The following EXTL3 variants were observed in gnomAD, a reference collection of about 807,000 sequenced individuals.
EXTL3 encodes the protein exostosin-like 3.
EXTL3 carries 27 observed loss-of-function variants against 69.3 expected under a neutral mutation model. That is an observed-to-expected ratio of 0.39 (90% CI 0.29 to 0.54). EXTL3 has a LOEUF of 0.54. EXTL3 is among the 20% of genes least tolerant of loss of function. EXTL3 has a pLI of 0.69. For missense variants in EXTL3, 1,003 were observed against 1,231.8 expected (o/e 0.81, Z 2.78); for synonymous variants, 511 against 499.4 (o/e 1.02, Z -0.31).
rs1563427442 is a variant in EXTL3 at position 28,623,646 on chromosome 8, C to T, written c.-53+836C>T. Among the ~76,000 whole-genome samples, 1 of 152,184 alleles carries T rather than the reference C, an allele frequency of 6.6e-6. No individual in the cohort carries two copies. The highest frequency in any genetic ancestry group is 1.5e-5 in the Non-Finnish European group (1 of 68,032). ...TGGCAAAGCACGTGTGTCTTTTGAT[C>T]CTTATCCCCCATGTAACATAATTCA... On this transcript the variant is annotated intron_variant, in intron 1 of 6. Coordinates refer to the EXTL3 transcript ENST00000523149. The surrounding 1 kb of genome is among the most constrained non-coding windows in gnomAD (Gnocchi z 4.2).
chr8:28,664,678 T>A (rs529062996), intron 1 of EXTL3, among the ~76,000 whole-genome samples: 179 of 152,280 alleles, frequency 1.2e-3, no homozygotes, highest in African/African-American at 3.7e-3. Flanking sequence ...AAGATATTGT[T>A]CCATTGTCTT....
intron 1 of EXTL3, among the ~76,000 whole-genome samples, chr8:28,702,231 C>CAGGAGCCACAGTCAG (rs1346712965): frequency 6.6e-6 from 1 of 152,182 alleles, no homozygotes; most frequent in African/African-American, 2.4e-5. Flanking sequence ...CGCCTCCTTT[C>CAGGAGCCACAGTCAG]AGGAGCCACA....
At chr8:28,621,563 C>T (rs987675850), upstream of EXTL3, among the ~76,000 whole-genome samples, 2 of 152,200 alleles carry the variant, frequency 1.3e-5, no homozygotes, top group East Asian at 1.9e-4. Flanking sequence ...CCATTTGTGC[C>T]CCACCAGGGT....
intron 1 of EXTL3, among the ~76,000 whole-genome samples, chr8:28,647,698 T>G (rs967920407): frequency 1.3e-5 from 2 of 152,128 alleles, no homozygotes; most frequent in African/African-American, 4.8e-5. Context: ...TTGCCAACAC[T>G]TTTTTCTAGG....
At chr8:28,711,482 T>C (rs1376280267) in intron 1 of EXTL3, among the ~76,000 whole-genome samples, 2 of 152,162 alleles carry the variant, frequency 1.3e-5, no homozygotes, top group Non-Finnish European at 2.9e-5. Context: ...ATCTATAATA[T>C]CTTACTTAAT....
At position 28,701,567 on chromosome 8, in the gene EXTL3, A is replaced by G. The variant is rs1284697681; in HGVS notation, c.-662A>G. The G allele has an allele frequency of 1.3e-5, 2 of 155,832 alleles. No homozygotes were observed. The highest frequency in any genetic ancestry group is 1.7e-4 in the South Asian group (1 of 5,732). 9.7% of individuals were successfully genotyped at this position (155,832 alleles called of 1,614,324 possible). ...AGCGGCGGATCAGGCGCGGCCTGGA[A>G]GGCGGGCGGCCGGCAGCCAGAACGG... On this transcript the variant is annotated 5_prime_UTR_variant, in exon 1 of 7. Transcript: ENST00000220562.
intron 1 of EXTL3, among the ~76,000 whole-genome samples, chr8:28,682,690 C>T (rs1241397149): frequency 6.6e-6 from 1 of 152,204 alleles, no homozygotes; most frequent in Non-Finnish European, 1.5e-5. Context: ...GTGATGCCCC[C>T]ACCTTGGCCT....
intron 1 of EXTL3, among the ~76,000 whole-genome samples, chr8:28,702,166 C>G (rs1383297927): frequency 3.9e-5 from 6 of 152,334 alleles, no homozygotes; most frequent in Admixed American, 1.3e-4. Flanking sequence ...CATCTGCCCC[C>G]CGCTTCTACA....
At chr8:28,742,965 C>T in intron 5 of EXTL3, 121 bp from the exon 6 acceptor site, 2 of 1,029,228 alleles carry the variant, frequency 1.9e-6, no homozygotes, top group Admixed American at 1.7e-5. Flanking sequence ...CCCTAAGTGC[C>T]AGTAATACCT....
At chr8:28,714,204 C>T (rs1801093708) in intron 2 of EXTL3, among the ~76,000 whole-genome samples, 1 of 152,048 alleles carries the variant, frequency 6.6e-6, no homozygotes, top group Admixed American at 6.5e-5. Flanking sequence ...CCATGCCCAG[C>T]CTAATATCCC....
At chr8:28,619,118 A>C (rs555011696), upstream of EXTL3, among the ~76,000 whole-genome samples, 1 of 130,948 alleles carries the variant, frequency 7.6e-6, no homozygotes, top group East Asian at 2.4e-4. Context: ...AAAAAAAAAC[A>C]GCAGACCCAC....
chr8:28,649,252 TC>T (rs1418218610), intron 1 of EXTL3, among the ~76,000 whole-genome samples: 1 of 152,192 alleles, frequency 6.6e-6, no homozygotes, highest in Admixed American at 6.5e-5. Context: ...CAATTGTTCC[TC>T]TAGGGTATTT....
chr8:28,626,981 G>A (rs914646286), intron 1 of EXTL3, among the ~76,000 whole-genome samples: 1 of 151,790 alleles, frequency 6.6e-6, no homozygotes, highest in African/African-American at 2.4e-5. Flanking sequence ...AGGAGATCGA[G>A]ACCATCCTGG....
intron 1 of EXTL3, among the ~76,000 whole-genome samples, chr8:28,689,663 T>C (rs958868820): frequency 6.6e-6 from 1 of 152,230 alleles, no homozygotes; most frequent in Non-Finnish European, 1.5e-5. Flanking sequence ...TCTTCTATTT[T>C]CTTAGTGAAA....
chr8:28,622,336 G>C (rs1472825796), upstream of EXTL3, among the ~76,000 whole-genome samples: 1 of 152,244 alleles, frequency 6.6e-6, no homozygotes. Flanking sequence ...GCCCGGTGCC[G>C]TATAGCCCTC....
intron 3 of EXTL3, among the ~76,000 whole-genome samples, chr8:28,729,391 T>C (rs1801484919): frequency 6.7e-6 from 1 of 150,288 alleles, no homozygotes; most frequent in Non-Finnish European, 1.5e-5. Context: ...GGTCAGGATT[T>C]CAAGACCAGC....
intron 4 of EXTL3, among the ~76,000 whole-genome samples, chr8:28,732,937 G>A (rs1801569710): frequency 6.6e-6 from 1 of 152,162 alleles, no homozygotes; most frequent in African/African-American, 2.4e-5. Context: ...TCACCATGTT[G>A]CCCAGGCTGA....
Position 28,637,203 on chromosome 8 carries a change from G to A in EXTL3, c.-53+14393G>A, listed in dbSNP as rs1251967962. On this transcript the variant is annotated intron_variant, in intron 1 of 6. Coordinates refer to the EXTL3 transcript ENST00000523149. Reference sequence around the variant, plus strand: ...TCTAGATTCCATTCTTTCTGAACAGGTTCTGGTAAAATGGGAACGGTTTCT... The same window carrying A: ...TCTAGATTCCATTCTTTCTGAACAGATTCTGGTAAAATGGGAACGGTTTCT... 4 of 152,122 alleles carry A rather than the reference G, an allele frequency of 2.6e-5. No homozygotes were observed. In the South Asian group the frequency reaches 6.2e-4, roughly 24 times the overall value. The allele number at this position is 152,122 out of a possible 1,614,324, so 9.4% of individuals were successfully genotyped here.
At chr8:28,610,213 A>ATGTGTGTG (rs1307206052) in intron 2 of EXTL3, among the ~76,000 whole-genome samples, 6 of 114,184 alleles carry the variant, frequency 5.3e-5, no homozygotes, top group African/African-American at 1.5e-4. Flanking sequence ...AAAAATATGT[A>ATGTGTGTG]TATGTGTGTG....
Sources: allele counts gnomAD v4.1 joint callset (sites outside exome capture counted in the v4.1 genomes callset), GRCh38; gene constraint gnomAD v4.1.1; non-coding constraint Gnocchi (gnomAD v3.1); transcripts MANE v1.5; gene names NCBI Gene and HGNC (gene_info 2026-07-23, HGNC 2026-07-21).